The following DISP3 variants were observed in gnomAD, a reference collection of about 807,000 sequenced individuals.
The protein encoded by DISP3 is dispatched RND transporter family member 3, also known as protein dispatched homolog 3.
In DISP3, 101 loss-of-function variants were observed where a neutral mutation model predicts 135.3. The ratio of observed to expected loss-of-function variants is 0.75; its 90% CI spans 0.64 to 0.88. DISP3 has a LOEUF of 0.88. DISP3 is among the 40% of genes least tolerant of loss of function. The pLI, the probability that DISP3 is intolerant of heterozygous loss-of-function variation, is 0.00. For synonymous variants in DISP3, 856 were observed against 817.0 expected (o/e 1.05, Z -0.81); for missense variants, 1,713 against 1,878.6 (o/e 0.91, Z 1.63).
Position 11,501,272 on chromosome 1 carries a change from C to G in DISP3, c.280C>G (p.Leu94Val). ...IPMALSAFMF[L>V]YYPPLDIDIS... is the part of the protein sequence containing the mutation. The stretch of plus-strand genomic sequence containing the variant: ...CATGGCCCTGTCAGCCTTCATGTTC[C>G]TTTACTACCCACCGCTGGACATTGA... The change falls in exon 2 of 21, where the codon CTT (leucine) becomes GTT (valine). Residue 94 changes from leucine (L) to valine (V), a missense_variant. By Grantham distance (32) the Leu-to-Val change is conservative. Transcript: ENST00000294484. This position sits in a 1 kb window ranked among gnomAD's most constrained non-coding sequence, Gnocchi z 4.9. The G allele has an allele frequency of 6.2e-7, 1 of 1,614,178 alleles. No homozygotes were observed. Among genetic ancestry groups the G allele is most frequent in the Non-Finnish European group, 8.5e-7 (1 of 1,180,024 alleles).
At chr1:11,522,881 AG>A (rs1557615661) in intron 10 of DISP3, among the ~76,000 whole-genome samples, 50 of 28,870 alleles carry the variant, frequency 1.7e-3, no homozygotes, top group East Asian at 7.7e-3. Flanking sequence ...GCCCAGCCAG[AG>A]CCCAGCCAGG....
At position 11,514,380 on chromosome 1, in the gene DISP3, C is replaced by T; in HGVS notation, c.1317-10C>T. 6.2e-7 allele frequency: 1 copy of T among 1,606,256 alleles called. No homozygotes were observed. Among genetic ancestry groups the T allele is most frequent in the Non-Finnish European group, 8.5e-7 (1 of 1,172,976 alleles). On this transcript the variant is annotated splice_polypyrimidine_tract_variant and intron_variant, in intron 3 of 20. Transcript: ENST00000294484. Reference sequence around the variant, plus strand: ...TGTCATTCTTTTCTCCACGTCCTCCCTTCCCCCAGCAAAGTCCAGGTTCTC... The same window carrying T: ...TGTCATTCTTTTCTCCACGTCCTCCTTTCCCCCAGCAAAGTCCAGGTTCTC...
intron 3 of DISP3, among the ~76,000 whole-genome samples, chr1:11,508,309 TTTGGAGGCTGAGG>T (rs1457834355): frequency 2.0e-5 from 3 of 152,052 alleles, no homozygotes; most frequent in Non-Finnish European, 2.9e-5. Flanking sequence ...TCCTTGCTAC[TTTGGAGGCTGAGG>T]TTGGAGGATC....
At chr1:11,495,962 A>G (rs1201924750) in intron 1 of DISP3, among the ~76,000 whole-genome samples, 1 of 152,208 alleles carries the variant, frequency 6.6e-6, no homozygotes, top group Non-Finnish European at 1.5e-5. Flanking sequence ...TTTAAATAAC[A>G]TTTATTTCTG....
Position 11,531,037 on chromosome 1 carries a change from C to T in DISP3, c.3229+4C>T, listed in dbSNP as rs778692000. On this transcript the variant is annotated splice_donor_region_variant and intron_variant, in intron 16 of 20. Transcript: ENST00000294484. This position sits in a 1 kb window ranked among gnomAD's most constrained non-coding sequence, Gnocchi z 5.2. ...GGGGCCCAGTGCCTGCCTTCAGGTGCGTGGGGTGTGGGGAGCTGGTTCCTC... is the reference window on the plus strand; with the variant it reads ...GGGGCCCAGTGCCTGCCTTCAGGTGTGTGGGGTGTGGGGAGCTGGTTCCTC... 10 of 1,612,954 alleles carry T rather than the reference C, an allele frequency of 6.2e-6. No homozygotes were observed. The Admixed American group carries it at 8.3e-5, about 13-fold the overall frequency.
intron 6 of DISP3, among the ~76,000 whole-genome samples, chr1:11,517,173 G>A (rs1319002641): frequency 6.6e-6 from 1 of 152,196 alleles, no homozygotes; most frequent in Admixed American, 6.5e-5. Flanking sequence ...GACAGCTACT[G>A]ACCACTGCCT....
chr1:11,532,338 G>A (rs1237902556), intron 17 of DISP3, among the ~76,000 whole-genome samples: 1 of 152,220 alleles, frequency 6.6e-6, no homozygotes, highest in Non-Finnish European at 1.5e-5. Context: ...ATCCTGGTGT[G>A]CTCTGTGTCC....
chr1:11,496,188 G>A (rs1038386267), intron 1 of DISP3, among the ~76,000 whole-genome samples: 32 of 152,092 alleles, frequency 2.1e-4, no homozygotes, highest in African/African-American at 5.6e-4. Context: ...GCTTGAAAGT[G>A]GGTGAAGTCT....
rs773944591 is a variant in DISP3 at position 11,501,164 on chromosome 1, T to C, written c.172T>C (p.Ser58Pro). The C allele has an allele frequency of 1.2e-6, 2 of 1,613,944 alleles. No individual in the cohort carries two copies. Among genetic ancestry groups the C allele is most frequent in the Non-Finnish European group, 1.7e-6 (2 of 1,179,930 alleles). ...HWPLASRPPA[S>P]GFWSTLGWAF... is the part of the protein sequence containing the mutation. ...GCCCCTGGCTTCCCGACCCCCAGCT[T>C]CGGGCTTCTGGAGTACCCTGGGCTG... Residue 58 changes from serine to proline, a missense_variant, in exon 2 of 21, where the codon TCG (serine) becomes CCG (proline). Physicochemically the swap from Ser to Pro is moderately conservative, Grantham distance 74. Around this residue, in one of 2 missense-constraint regions of DISP3, gnomAD observed 571 missense variants for 494.1 expected, o/e 1.16. Coordinates refer to ENST00000294484, the MANE Select transcript of DISP3 (RefSeq NM_020780.2). This position sits in a 1 kb window ranked among gnomAD's most constrained non-coding sequence, Gnocchi z 4.9.
At position 11,492,751 on chromosome 1, in the gene DISP3, G is replaced by A. The variant is rs78174912; in HGVS notation, c.-3-8239G>A. Among the ~76,000 whole-genome samples the A allele has an allele frequency of 9.7e-3, 1,480 of 152,318 alleles. 21 individuals carry two copies. Among genetic ancestry groups the A allele is most frequent in the African/African-American group, 0.034 (1,404 of 41,562 alleles). ...CAGCCACAAAGCCAGGTTTCCCTGG[G>A]GCTGGGGCAGGAGATATGGGGTGAT... On this transcript the variant is annotated intron_variant, in intron 1 of 20. Coordinates refer to ENST00000294484, the MANE Select transcript of DISP3 (RefSeq NM_020780.2).
chr1:11,497,932 CT>C (rs536359310), intron 1 of DISP3, among the ~76,000 whole-genome samples: 134 of 152,344 alleles, frequency 8.8e-4, no homozygotes, highest in Non-Finnish European at 1.7e-3. Flanking sequence ...ACTGCCCCCC[CT>C]CCCCAAGGGT....
intron 11 of DISP3, 74 bp from the exon 12 acceptor site, chr1:11,525,102 G>T: frequency 1.3e-6 from 2 of 1,563,750 alleles, no homozygotes; most frequent in Non-Finnish European, 1.8e-6. Flanking sequence ...AGAGCTGAGG[G>T]TGGGCTGCTC....
intron 4 of DISP3, among the ~76,000 whole-genome samples, chr1:11,515,108 C>G (rs895315780): frequency 1.3e-5 from 2 of 152,260 alleles, no homozygotes; most frequent in African/African-American, 4.8e-5. Flanking sequence ...TTCCTACCCC[C>G]AGGTAATATG....
chr1:11,503,453 C>T (rs1166110425), intron 3 of DISP3, among the ~76,000 whole-genome samples: 2 of 152,182 alleles, frequency 1.3e-5, no homozygotes, highest in South Asian at 2.1e-4. Context: ...TGTAATTCTT[C>T]GTTCAAGACC....
chr1:11,515,244 G>C (rs1409407168), intron 4 of DISP3, 125 bp from the exon 5 acceptor site: 9 of 1,342,792 alleles, frequency 6.7e-6, no homozygotes, highest in Admixed American at 2.3e-5. Flanking sequence ...GCTGGGAACA[G>C]AGTGGTGAAT....
rs779811059 is a variant in DISP3 at position 11,483,146 on chromosome 1, C to T, written c.-4+3774C>T. ...CCAGTGAGCTCACTCTCTGCCTGGC[C>T]GCTGGGAGACCAGACAGCCGCACTC... On this transcript the variant is annotated intron_variant, in intron 1 of 20. Transcript: ENST00000294484. This position sits in a 1 kb window ranked among gnomAD's most constrained non-coding sequence, Gnocchi z 5.4. Among the ~76,000 whole-genome samples, 1 of 152,212 alleles carries T rather than the reference C, an allele frequency of 6.6e-6. No homozygotes were observed. Among genetic ancestry groups the T allele is most frequent in the African/African-American group, 2.4e-5 (1 of 41,452 alleles).
intron 1 of DISP3, among the ~76,000 whole-genome samples, chr1:11,480,349 G>C (rs1020946315): frequency 1.3e-5 from 2 of 152,002 alleles, no homozygotes; most frequent in African/African-American, 4.8e-5. Flanking sequence ...CCATCCATGC[G>C]CACACACATA....
chr1:11,505,467 T>C (rs1641671815), intron 3 of DISP3, among the ~76,000 whole-genome samples: 1 of 152,232 alleles, frequency 6.6e-6, no homozygotes, highest in African/African-American at 2.4e-5. Flanking sequence ...GTTTAGCTGC[T>C]GAGACAAATC....
At chr1:11,498,924 C>T (rs1053397703) in intron 1 of DISP3, among the ~76,000 whole-genome samples, 3 of 152,150 alleles carry the variant, frequency 2.0e-5, no homozygotes, top group African/African-American at 4.8e-5. Context: ...CCTCCAAAGC[C>T]GTAGCTCTTA....
Sources: gnomAD v4.1 joint callset for allele counts (sites outside exome capture counted in the v4.1 genomes callset) on GRCh38, gnomAD v4.1.1 for gene constraint, gnomAD v4.1.1 regional missense constraint, Gnocchi (gnomAD v3.1) non-coding constraint, MANE v1.5 for transcripts, NCBI Gene and HGNC (gene_info 2026-07-23, HGNC 2026-07-21) for gene names.